ZNF544: variants seen among roughly 807,000 people sequenced by gnomAD.
The protein encoded by ZNF544 is zinc finger protein AF020591.
Under a neutral mutation model 13.5 loss-of-function variants are expected in ZNF544, and 10 were observed. That is an observed-to-expected ratio of 0.74 (90% CI 0.46 to 1.25). The LOEUF (loss-of-function observed/expected upper bound fraction) is 1.25. ZNF544 is among the 50% of genes most tolerant of loss of function. The pLI is 0.00. For missense variants in ZNF544, 896 were observed against 845.6 expected (o/e 1.06, Z -0.74); for synonymous variants, 323 against 300.5 (o/e 1.07, Z -0.77).
In ZNF544 at chr19:58,262,183, G is replaced by A. The variant is rs563565760; in HGVS notation, c.1577G>A (p.Gly526Glu). 6 of 1,613,386 alleles carry A rather than the reference G, an allele frequency of 3.7e-6. No homozygotes were observed. In the Admixed American group the frequency reaches 6.7e-5, roughly 18 times the overall value. ...GEKPYECNLC[G>E]KSFSQSSKLI... is the part of the protein sequence containing the mutation. ...AAGCCCTATGAGTGCAACCTGTGTG[G>A]GAAATCCTTCTCCCAGAGTTCCAAA... The change falls in exon 7 of 7, where the codon GGG (glycine) becomes GAG (glutamate). Residue 526 changes from glycine (G) to glutamate (E), a missense_variant. Transcript: ENST00000687789.
chr19:58,234,566 T>G (rs2042007971), intron 3 of ZNF544, among the ~76,000 whole-genome samples: 1 of 152,228 alleles, frequency 6.6e-6, no homozygotes, highest in Admixed American at 6.5e-5. Flanking sequence ...CCTCTCTTAC[T>G]GTGTTAGGAT....
At chr19:58,273,985 G>A (rs553395917) in intron 5 of ZNF544, among the ~76,000 whole-genome samples, 2 of 151,770 alleles carry the variant, frequency 1.3e-5, no homozygotes, top group African/African-American at 2.4e-5. Flanking sequence ...TAGTAGAGAC[G>A]GGGTTTCCCC....
At position 58,262,805 on chromosome 19, in the gene ZNF544, G is replaced by T. The variant is rs768312884; in HGVS notation, c.*51G>T. On this transcript the variant is annotated 3_prime_UTR_variant, in exon 7 of 7. Transcript: ENST00000687789. ...TCATCCAGAGGTCTCCCCTCATCATGCACCAGAGGACGCATGTCGGTGGGA... is the reference window on the plus strand; with the variant it reads ...TCATCCAGAGGTCTCCCCTCATCATTCACCAGAGGACGCATGTCGGTGGGA... 1.9e-6 allele frequency: 3 copies of T among 1,544,338 alleles called. No homozygotes were observed. The highest frequency in any genetic ancestry group is 1.7e-6 in the Non-Finnish European group (2 of 1,145,826).
chr19:58,245,514 C>T (rs995180295), intron 4 of ZNF544, among the ~76,000 whole-genome samples: 23 of 151,712 alleles, frequency 1.5e-4, no homozygotes, highest in Non-Finnish European at 2.6e-4. Context: ...GTTGGCCAGG[C>T]TGGTCTCGAA....
chr19:58,261,546 G>A lies in ZNF544; in HGVS notation c.940G>A (p.Val314Ile). The change falls in exon 7 of 7, where the codon GTA becomes ATA. Residue 314 changes from valine to isoleucine, a missense_variant. Val to Ile is a conservative substitution (Grantham distance 29). Transcript: ENST00000687789. ...AACCTGTTCTGAGAGTCTGTGCCTT[G>A]TACAAACAGAAAGAAGTGGCCCTGG... ...RETCSESLCL[V>I]QTERSGPGET... The A allele has an allele frequency of 6.2e-7, 1 of 1,614,198 alleles. No individual in the cohort carries two copies. The highest frequency in any genetic ancestry group is 1.3e-5 in the African/African-American group (1 of 75,052).
chr19:58,251,209 A>G (rs780586074), intron 6 of ZNF544: 1 of 430,556 alleles, frequency 2.3e-6, no homozygotes, highest in East Asian at 6.3e-5. Flanking sequence ...GTAGAAGTAT[A>G]ACAATGGCTA....
chr19:58,256,070 AC>A (rs1168781302), intron 6 of ZNF544, among the ~76,000 whole-genome samples: 9 of 152,338 alleles, frequency 5.9e-5, no homozygotes, highest in Admixed American at 5.2e-4. Flanking sequence ...CCAGAAACTT[AC>A]AGTTGCTTGC....
chr19:58,263,029 A>G lies in ZNF544; in HGVS notation c.*275A>G. 8.5e-7 allele frequency: 1 copy of G among 1,179,476 alleles called. No homozygotes were observed. The highest frequency in any genetic ancestry group is 1.1e-6 in the Non-Finnish European group (1 of 949,262). The allele number at this position is 1,179,476 out of a possible 1,614,324, so 73.1% of individuals were successfully genotyped here. The stretch of plus-strand genomic sequence containing the variant: ...ACCATTGCGAGAAAGCCTTTAGCCA[A>G]CGGTGTCAACTTACTAGGCAGCAGA... On this transcript the variant is annotated 3_prime_UTR_variant, in exon 7 of 7. Transcript: ENST00000687789.
Position 58,242,357 on chromosome 19 carries a change from A to G in ZNF544, c.-59-1608A>G, listed in dbSNP as rs567281210. On this transcript the variant is annotated intron_variant, in intron 3 of 6. Transcript: ENST00000687789. ...GCACAGAGAAAGCAAGATTTCTGCAATTCATGGCTTGATACTTGATATTCC... is the reference window on the plus strand; with the variant it reads ...GCACAGAGAAAGCAAGATTTCTGCAGTTCATGGCTTGATACTTGATATTCC... The G allele has an allele frequency of 1.5e-4, 128 of 867,524 alleles. No individual in the cohort carries two copies. The African/African-American group carries it at 2.2e-3, about 15-fold the overall frequency. 53.7% of individuals were successfully genotyped at this position (867,524 alleles called of 1,614,324 possible). A position where few individuals can be genotyped will look rare whatever the true frequency, so the allele number is the denominator to read the frequency against.
Position 58,262,750 on chromosome 19 carries a change from C to T in ZNF544, c.2144C>T (p.Pro715Leu). 6.3e-7 allele frequency: 1 copy of T among 1,590,670 alleles called. No homozygotes were observed. The highest frequency in any genetic ancestry group is 8.6e-7 in the Non-Finnish European group (1 of 1,166,346). Reference protein sequence around the residue: ...VHRRTHTGEKP With the variant: ...VHRRTHTGEKL ...CGGCGGACACATACTGGAGAGAAAC[C>T]TTAGGAGTGCAGTCATTGTGGGAAA... The change falls in exon 7 of 7, where the codon CCT becomes CTT. Residue 715 changes from proline (P) to leucine (L), a missense_variant. Transcript: ENST00000687789.
chr19:58,241,179 A>ATATATATATATT (rs1181835768), intron 3 of ZNF544, among the ~76,000 whole-genome samples: 2 of 72,764 alleles, frequency 2.7e-5, no homozygotes, highest in Admixed American at 1.7e-4. Context: ...ATATATATAT[A>ATATATATATATT]TTTTTTTTTT....
intron 6 of ZNF544, among the ~76,000 whole-genome samples, chr19:58,251,090 G>C (rs1350153939): frequency 1.3e-5 from 2 of 152,168 alleles, no homozygotes; most frequent in African/African-American, 4.8e-5. Context: ...AACTTCAGGG[G>C]TGGATACCTA....
Position 58,243,894 on chromosome 19 carries a change from C to T in ZNF544, c.-59-71C>T, listed in dbSNP as rs1357226907. 3 of 1,316,300 alleles carry T rather than the reference C, an allele frequency of 2.3e-6. No individual in the cohort carries two copies. The African/African-American group carries it at 4.6e-5, about 20-fold the overall frequency. The allele number at this position is 1,316,300 out of a possible 1,614,324, so 81.5% of individuals were successfully genotyped here. On this transcript the variant is annotated intron_variant, in intron 3 of 6. Coordinates refer to ENST00000687789, the MANE Select transcript of ZNF544 (RefSeq NM_014480.4). ...CTGCTTGTGGCCGGCCCCGCGTTCT[C>T]TAGGGTGGGTGTTGGCCCTGGAGGT...
chr19:58,242,792 G>A (rs1397607245), intron 3 of ZNF544, among the ~76,000 whole-genome samples: 1 of 152,040 alleles, frequency 6.6e-6, no homozygotes, highest in Non-Finnish European at 1.5e-5. Context: ...CCCGCCCCCC[G>A]GGTTCAAGGG....
At chr19:58,246,279 A>G (rs376680901) in intron 4 of ZNF544, 22 bp from the exon 5 acceptor site, 11 of 1,613,684 alleles carry the variant, frequency 6.8e-6, no homozygotes, top group Non-Finnish European at 8.5e-6. Context: ...GTCTCTGAGC[A>G]GTAACAAGTG....
intron 3 of ZNF544, among the ~76,000 whole-genome samples, chr19:58,240,148 C>T (rs1473829483): frequency 1.3e-5 from 2 of 152,176 alleles, no homozygotes; most frequent in Non-Finnish European, 2.9e-5. Flanking sequence ...CCAGAGATCC[C>T]CCTAATACAC....
In ZNF544 at chr19:58,246,695, T is replaced by C; in HGVS notation, c.161-16T>C. 1 of 1,613,614 alleles carries C rather than the reference T, an allele frequency of 6.2e-7. No homozygotes were observed. Among genetic ancestry groups the C allele is most frequent in the Non-Finnish European group, 8.5e-7 (1 of 1,179,776 alleles). ...GTCCAAGCAGAGGGGCAAGTCCTTT[T>C]TCCGTCTTTGACCAGGGCTTTTCCT... On this transcript the variant is annotated splice_polypyrimidine_tract_variant and intron_variant, in intron 5 of 6. Transcript: ENST00000687789.
At chr19:58,263,648 A>C (rs1666509375), downstream of ZNF544, 2 of 917,280 alleles carry the variant, frequency 2.2e-6, no homozygotes, top group Admixed American at 6.2e-5. Context: ...AGTAAAATCC[A>C]GGAGTCTGCA....
intron 5 of ZNF544, among the ~76,000 whole-genome samples, chr19:58,272,967 A>T (rs911817825): frequency 6.6e-6 from 1 of 151,994 alleles, no homozygotes. Flanking sequence ...GCAGATTGCA[A>T]GTTCAGGAAA....
Sources: allele counts gnomAD v4.1 joint callset (sites outside exome capture counted in the v4.1 genomes callset), GRCh38; gene constraint gnomAD v4.1.1; transcripts MANE v1.5; gene names NCBI Gene and HGNC (gene_info 2026-07-23, HGNC 2026-07-21).